The following PGLYRP2 variants were observed in gnomAD, a reference collection of about 807,000 sequenced individuals.
The protein encoded by PGLYRP2 is N-acetylmuramoyl-L-alanine amidase.
In PGLYRP2, 38 loss-of-function variants were observed where a neutral mutation model predicts 46.2. The ratio of observed to expected loss-of-function variants is 0.82; its 90% CI spans 0.64 to 1.08. The LOEUF is 1.08. Ranked by LOEUF, PGLYRP2 falls within the 50% of genes least tolerant of loss-of-function variation. The probability of loss-of-function intolerance (pLI) is 0.00; values close to 1 mark genes in which losing one functional copy is unlikely to be tolerated. For synonymous variants in PGLYRP2, 289 were observed against 329.4 expected (o/e 0.88, Z 1.33); for missense variants, 713 against 755.9 (o/e 0.94, Z 0.67).
chr19:15,470,238 TTCTTTCCTTCCTTCCTTCCTTCC>T (rs1970732417), intron 3 of PGLYRP2, among the ~76,000 whole-genome samples: 3 of 130,416 alleles, frequency 2.3e-5, no homozygotes, highest in African/African-American at 5.7e-5. Flanking sequence ...TGGGTTTTTT[TTCTTTCCTTCCTTCCTTCCTTCC>T]TTCCTTCCTT....
In PGLYRP2 at chr19:15,475,736, G is replaced by A; in HGVS notation, c.934C>T (p.Pro312Ser). ...QYYGAGVARD[P>S]GFRSNFRRQN... The stretch of plus-strand genomic sequence containing the variant: ...CGTCGGAAGTTGCTGCGGAACCCTG[G>A]GTCTCTGGCCACCCCAGCCCCATAG... Residue 312 changes from proline to serine, a missense_variant, in exon 2 of 5, where the codon CCA becomes TCA. Coordinates refer to ENST00000340880, the MANE Select transcript of PGLYRP2 (RefSeq NM_052890.4). The A allele has an allele frequency of 6.2e-7, 1 of 1,613,986 alleles. No individual in the cohort carries two copies. Among genetic ancestry groups the A allele is most frequent in the Non-Finnish European group, 8.5e-7 (1 of 1,179,932 alleles).
chr19:15,471,084 C>A (rs1970744126), intron 3 of PGLYRP2, among the ~76,000 whole-genome samples: 1 of 145,400 alleles, frequency 6.9e-6, no homozygotes, highest in East Asian at 2.2e-4. Flanking sequence ...GGACTACAGG[C>A]GCGCAACACC....
intron 1 of PGLYRP2, among the ~76,000 whole-genome samples, chr19:15,477,652 C>T (rs1970809761): frequency 6.7e-6 from 1 of 148,152 alleles, no homozygotes; most frequent in Non-Finnish European, 1.5e-5. Flanking sequence ...GAGCCAAGAA[C>T]CCCCCACTGC....
In PGLYRP2 at chr19:15,468,716, T is replaced by C; in HGVS notation, c.1678A>G (p.Arg560Gly). 6.2e-7 allele frequency: 1 copy of C among 1,613,156 alleles called. No homozygotes were observed. Among genetic ancestry groups the C allele is most frequent in the Non-Finnish European group, 8.5e-7 (1 of 1,179,568 alleles). ...CTTGGGGGTGGCTCCCTCCTGGATCTCTTAGAGACACTCCTGGCAGGTCTT... is the reference window on the plus strand; with the variant it reads ...CTTGGGGGTGGCTCCCTCCTGGATCCCTTAGAGACACTCCTGGCAGGTCTT... Reference protein sequence around the residue: ...KPRPARSVSKRSRREPPPRTL... With the variant: ...KPRPARSVSKGSRREPPPRTL... Residue 560 changes from arginine (R) to glycine (G), a missense_variant, in exon 5 of 5, where the codon AGA becomes GGA. Arg to Gly is a moderately radical substitution (Grantham distance 125). Transcript: ENST00000340880.
Position 15,471,900 on chromosome 19 carries a change from T to C in PGLYRP2, c.1333A>G (p.Ile445Val), listed in dbSNP as rs774420792. ...YHQDTQGWGD[I>V]GYSFVVGSDG... ...TCGGGCCCCTCCTACCTGTAGCCGA[T>C]GTCTCCCCAGCCTTGCGTGTCCTGG... Residue 445 changes from isoleucine to valine, a missense_variant, in exon 3 of 5, where the codon ATC becomes GTC. Coordinates refer to ENST00000340880, the MANE Select transcript of PGLYRP2 (RefSeq NM_052890.4). The C allele has an allele frequency of 2.1e-5, 34 of 1,613,294 alleles. 1 individual carries two copies. The Admixed American group carries it at 5.3e-4, about 25-fold the overall frequency.
At chr19:15,476,708 AC>A in intron 1 of PGLYRP2, 100 bp from the exon 2 acceptor site, 1 of 956,238 alleles carries the variant, frequency 1.0e-6, no homozygotes. Context: ...CCATCTGATA[AC>A]CCCATGACCC....
intron 1 of PGLYRP2, among the ~76,000 whole-genome samples, chr19:15,477,931 CTT>C (rs1304996073): frequency 6.6e-6 from 1 of 152,076 alleles, no homozygotes; most frequent in Non-Finnish European, 1.5e-5. Context: ...GTCTAGGTGA[CTT>C]ATATATTAAT....
chr19:15,477,726 TTAAAATAAAA>T (rs55707700), intron 1 of PGLYRP2, among the ~76,000 whole-genome samples: 4 of 144,304 alleles, frequency 2.8e-5, no homozygotes, highest in African/African-American at 5.1e-5. Flanking sequence ...TAAAATTAAA[TTAAAATAAAA>T]TAAAATAAAA....
At position 15,468,769 on chromosome 19, in the gene PGLYRP2, G is replaced by A. The variant is rs1270905849; in HGVS notation, c.1642-17C>T. The A allele has an allele frequency of 1.3e-6, 2 of 1,598,572 alleles. No individual in the cohort carries two copies. The highest frequency in any genetic ancestry group is 1.7e-6 in the Non-Finnish European group (2 of 1,170,176). The stretch of plus-strand genomic sequence containing the variant: ...CTTAACAGTCTGGAAAAAGACAAGG[G>A]AGTGTGAGGCTTGGGGGTGGTTGTG... On this transcript the variant is annotated splice_polypyrimidine_tract_variant and intron_variant, in intron 4 of 4. Transcript: ENST00000340880.
rs1970790955 is a variant in PGLYRP2 at position 15,475,936 on chromosome 19, G to T, written c.734C>A (p.Thr245Asn). 1 of 1,614,072 alleles carries T rather than the reference G, an allele frequency of 6.2e-7. No individual in the cohort carries two copies. Among genetic ancestry groups the T allele is most frequent in the African/African-American group, 1.3e-5 (1 of 74,934 alleles). Residue 245 changes from threonine to asparagine, a missense_variant, in exon 2 of 5, where the codon ACT becomes AAT. By Grantham distance (65) the Thr-to-Asn change is moderately conservative (BLOSUM62 0). Coordinates refer to ENST00000340880, the MANE Select transcript of PGLYRP2 (RefSeq NM_052890.4). ...AGAGAGCTGGTCCCAGCAGCCCTCA[G>T]TTCCCAGGTCTGGATGGCTCTGGGT... is the stretch of plus-strand genomic sequence containing the variant. ...SQTQSHPDLG[T>N]EGCWDQLSAP...
rs1364432073 is a variant in PGLYRP2 at position 15,479,323 on chromosome 19, C to T, written c.49G>A (p.Asp17Asn). 1 of 1,614,102 alleles carries T rather than the reference C, an allele frequency of 6.2e-7. No individual in the cohort carries two copies. Among genetic ancestry groups the T allele is most frequent in the Non-Finnish European group, 8.5e-7 (1 of 1,180,006 alleles). Residue 17 changes from aspartate (D) to asparagine (N), a missense_variant, in exon 1 of 5, where the codon GAC (aspartate) becomes AAC (asparagine). Transcript: ENST00000340880. ...WILLGLLLWS[D>N]PGTASLPLLM... ...CCCCCTGACTCACCTGTCCCTGGGT[C>T]TGACCACAGTAGCAATCCGAGTAGG...
intron 3 of PGLYRP2, among the ~76,000 whole-genome samples, chr19:15,470,308 C>CTTTTTT (rs1270674824): frequency 3.3e-5 from 4 of 122,960 alleles, no homozygotes; most frequent in South Asian, 2.4e-4. Flanking sequence ...TTCTTTCTTT[C>CTTTTTT]TTTTTTTGAT....
chr19:15,474,785 G>A (rs1970778876), intron 2 of PGLYRP2, among the ~76,000 whole-genome samples: 3 of 152,044 alleles, frequency 2.0e-5, no homozygotes, highest in Admixed American at 6.6e-5. Context: ...TCAGGAGATC[G>A]AGACCACCCT....
intron 2 of PGLYRP2, 97 bp from the exon 3 acceptor site, chr19:15,472,197 CCT>C: frequency 9.4e-7 from 1 of 1,062,162 alleles, no homozygotes; most frequent in Non-Finnish European, 1.4e-6. Flanking sequence ...CCCTCAGCCT[CCT>C]CTCAGATTTG....
At chr19:15,471,349 C>T (rs12979216) in intron 3 of PGLYRP2, among the ~76,000 whole-genome samples, 3 of 150,628 alleles carry the variant, frequency 2.0e-5, no homozygotes, top group East Asian at 2.0e-4. Context: ...CTTCTGACCT[C>T]GTGATCCTCC....
At position 15,479,429 on chromosome 19, in the gene PGLYRP2, G is replaced by A. The variant is rs376070804; in HGVS notation, c.-58C>T. 5.2e-6 allele frequency: 8 copies of A among 1,540,018 alleles called. No homozygotes were observed. Among genetic ancestry groups the A allele is most frequent in the East Asian group, 4.6e-5 (2 of 43,408 alleles). The stretch of plus-strand genomic sequence containing the variant: ...CTGGTTGGCCTCGGCAGAGAACCTC[G>A]GCAGTGCTGGAGGGAGACAGGCACA... On this transcript the variant is annotated 5_prime_UTR_variant, in exon 1 of 5. Coordinates refer to ENST00000340880, the MANE Select transcript of PGLYRP2 (RefSeq NM_052890.4).
At chr19:15,478,270 C>T (rs1374789907) in intron 1 of PGLYRP2, among the ~76,000 whole-genome samples, 1 of 152,004 alleles carries the variant, frequency 6.6e-6, no homozygotes, top group African/African-American at 2.4e-5. Context: ...TCTGTTGAAC[C>T]CGGGAGGTGG....
chr19:15,469,867 TG>T lies in PGLYRP2; in HGVS notation c.1405del (p.His469ThrfsTer14). ...GCCCCGGGAGTTGTGGCCGAGCGTG[TG>T]GGCGCCCACCCAGTGCCAGCCGCGT... ...EGRGWHWVGAHTLGHNSRGFG... is the reference protein window; with the variant it reads ...EGRGWHWVGAXTLGHNSRGFG... On this transcript the variant is annotated frameshift_variant, in exon 4 of 5. Coordinates refer to ENST00000340880, the MANE Select transcript of PGLYRP2 (RefSeq NM_052890.4). LOFTEE classifies it high-confidence loss of function. This position sits in a 1 kb window ranked among gnomAD's most constrained non-coding sequence, Gnocchi z 4.9. The T allele has an allele frequency of 6.7e-7, 1 of 1,501,912 alleles. No individual in the cohort carries two copies. The allele number at this position is 1,501,912 out of a possible 1,614,324, so 93.0% of individuals were successfully genotyped here.
At chr19:15,473,981 G>A (rs868682954) in intron 2 of PGLYRP2, among the ~76,000 whole-genome samples, 7 of 152,146 alleles carry the variant, frequency 4.6e-5, no homozygotes, top group South Asian at 2.1e-4. Flanking sequence ...CCAATCATCA[G>A]AGAAATGCAA....
Sources: gnomAD v4.1 joint callset for allele counts (sites outside exome capture counted in the v4.1 genomes callset) on GRCh38, gnomAD v4.1.1 for gene constraint, Gnocchi (gnomAD v3.1) non-coding constraint, MANE v1.5 for transcripts, NCBI Gene and HGNC (gene_info 2026-07-23, HGNC 2026-07-21) for gene names.